The following CLUH variants were observed in gnomAD, a reference collection of about 807,000 sequenced individuals.
CLUH encodes the protein clustered mitochondria protein homolog.
CLUH carries 77 observed loss-of-function variants against 139.3 expected under a neutral mutation model. That is an observed-to-expected ratio of 0.55 (90% CI 0.46 to 0.67). The LOEUF (loss-of-function observed/expected upper bound fraction) is 0.67. CLUH is among the 30% of genes least tolerant of loss of function. The pLI, the probability that CLUH is intolerant of heterozygous loss-of-function variation, is 0.00. For synonymous variants in CLUH, 999 were observed against 801.6 expected (o/e 1.25, Z -4.16); for missense variants, 1,876 against 1,875.8 (o/e 1.00, Z 0.00).
At chr17:2,696,287 G>A (rs1200968044) in intron 12 of CLUH, 28 bp from the exon 13 acceptor site, 1 of 1,548,958 alleles carries the variant, frequency 6.5e-7, no homozygotes, top group South Asian at 1.2e-5. Context: ...GAGAGGCTGA[G>A]CCAGGCAGTG....
intron 13 of CLUH, 53 bp from the exon 14 acceptor site, chr17:2,695,579 CTG>C: frequency 6.6e-7 from 1 of 1,514,318 alleles, no homozygotes; most frequent in Non-Finnish European, 8.8e-7. Flanking sequence ...CTCCACCCAA[CTG>C]AGTCCTTCTG....
At chr17:2,691,262 T>TG (rs1267489579) in intron 25 of CLUH, among the ~76,000 whole-genome samples, 1 of 152,064 alleles carries the variant, frequency 6.6e-6, no homozygotes, top group Non-Finnish European at 1.5e-5. Flanking sequence ...GCGAGGATGC[T>TG]GGGGAAGATA....
chr17:2,693,958 G>T lies in CLUH; in HGVS notation c.3173C>A (p.Thr1058Asn), dbSNP rs776249753. Residue 1058 changes from threonine to asparagine, a missense_variant, in exon 19 of 26, where the codon ACC becomes AAC. Transcript: ENST00000651024. The stretch of plus-strand genomic sequence containing the variant: ...GGCGAGGAGGCGCAGGCAGGCGCAG[G>T]TCTCCACGTGCATGGCTCCGTAGAC... The part of the protein sequence containing the change: ...NNVYGAMHVE[T>N]CACLRLLARL... The T allele has an allele frequency of 3.1e-6, 5 of 1,613,832 alleles. No individual in the cohort carries two copies. Among genetic ancestry groups the T allele is most frequent in the Non-Finnish European group, 4.2e-6 (5 of 1,179,864 alleles).
At position 2,701,959 on chromosome 17, in the gene CLUH, T is replaced by G. The variant is rs750544852; in HGVS notation, c.574A>C (p.Asn192His). Residue 192 changes from asparagine to histidine, a missense_variant, in exon 4 of 26, where the codon AAC (asparagine) becomes CAC (histidine). Coordinates refer to ENST00000651024, the MANE Select transcript of CLUH (RefSeq NM_001366661.1). ...PSDAFNGVDC[N>H]SLSFLSVFTD... The stretch of plus-strand genomic sequence containing the variant: ...AAGACACTCAGGAAGGACAAGGAGT[T>G]GCAGTCAACCCCGTTGAAGGCATCG... 37 of 1,613,864 alleles carry G rather than the reference T, an allele frequency of 2.3e-5. No individual in the cohort carries two copies. The South Asian group carries it at 3.5e-4, about 15-fold the overall frequency.
In CLUH at chr17:2,707,311, T is replaced by C. The variant is rs2070378983; in HGVS notation, c.101-2747A>G. On this transcript the variant is annotated intron_variant, in intron 1 of 25. Coordinates refer to ENST00000651024, the MANE Select transcript of CLUH (RefSeq NM_001366661.1). This position sits in a 1 kb window ranked among gnomAD's most constrained non-coding sequence, Gnocchi z 7.4. Reference sequence around the variant, plus strand: ...GCCTCTGCCGCTACCCTTGCCCTAATGCAGCCAGTCGGCCCGGGGCTGGAG... The same window carrying C: ...GCCTCTGCCGCTACCCTTGCCCTAACGCAGCCAGTCGGCCCGGGGCTGGAG... 1 of 985,366 alleles carries C rather than the reference T, an allele frequency of 1.0e-6. No individual in the cohort carries two copies. Among genetic ancestry groups the C allele is most frequent in the Non-Finnish European group, 1.2e-6 (1 of 829,904 alleles). 61.0% of individuals were successfully genotyped at this position (985,366 alleles called of 1,614,324 possible). A position where few individuals can be genotyped will look rare whatever the true frequency, so the allele number is the denominator to read the frequency against.
At chr17:2,695,712 T>C (rs2069914370) in intron 13 of CLUH, 186 bp from the exon 14 acceptor site, 2 of 762,404 alleles carry the variant, frequency 2.6e-6, no homozygotes, top group African/African-American at 1.8e-5. Context: ...AAGAGCCCGG[T>C]GGTGGTACAG....
chr17:2,691,737 G>A (rs1175915497), intron 24 of CLUH, 24 bp downstream of exon 24: 109 of 1,600,446 alleles, frequency 6.8e-5, no homozygotes, highest in Non-Finnish European at 8.8e-5. Flanking sequence ...CCGGGCCGGA[G>A]GGGCCGCTCC....
At position 2,694,512 on chromosome 17, in the gene CLUH, G is replaced by A. The variant is rs1167934846; in HGVS notation, c.2905C>T (p.Leu969=). Residue 969 remains leucine, a synonymous_variant, in exon 17 of 26, where the codon CTG becomes TTG. Transcript: ENST00000651024. ...CCTGTTTTCAGCGAGATCTCCCGCA[G>A]GAGCGTTATCTTCTGCAGGCCGTAG... The part of the protein sequence containing the change: ...ETYGLQKITL[L]REISLKTGIQ... 1.9e-6 allele frequency: 3 copies of A among 1,584,362 alleles called. No homozygotes were observed. Among genetic ancestry groups the A allele is most frequent in the Non-Finnish European group, 2.6e-6 (3 of 1,165,720 alleles).
Position 2,691,742 on chromosome 17 carries a change from C to A in CLUH, c.3789+19G>T. The A allele has an allele frequency of 1.9e-6, 3 of 1,597,028 alleles. No individual in the cohort carries two copies. The highest frequency in any genetic ancestry group is 1.7e-6 in the Non-Finnish European group (2 of 1,172,260). On this transcript the variant is annotated intron_variant, in intron 24 of 25. Coordinates refer to ENST00000651024, the MANE Select transcript of CLUH (RefSeq NM_001366661.1). ...CCCGCGCTCGCCGGGCCGGAGGGGC[C>A]GCTCCGCCCCGGACTCACCTTGAGG...
intron 3 of CLUH, among the ~76,000 whole-genome samples, chr17:2,702,569 T>G (rs997954718): frequency 2.0e-5 from 3 of 152,200 alleles, no homozygotes; most frequent in Non-Finnish European, 4.4e-5. Flanking sequence ...TGGGCGCTGT[T>G]GAGCTACAGA....
rs747365123 is a variant in CLUH at position 2,696,917 on chromosome 17, C to T, written c.1987G>A (p.Ala663Thr). Residue 663 changes from alanine to threonine, a missense_variant, in exon 11 of 26, where the codon GCC becomes ACC. Around this residue, in one of 3 missense-constraint regions of CLUH, gnomAD observed 1,454 missense variants for 1,384.4 expected, o/e 1.05. Transcript: ENST00000651024. ...HRYLLFMKLA[A>T]LQLMQQNASQ... Reference sequence around the variant, plus strand: ...GCGTTCTGCTGCATCAGCTGCAAGGCGGCCAGCTTCATAAAGAGGAGGTAC... The same window carrying T: ...GCGTTCTGCTGCATCAGCTGCAAGGTGGCCAGCTTCATAAAGAGGAGGTAC... The T allele has an allele frequency of 6.9e-6, 11 of 1,601,296 alleles. No individual in the cohort carries two copies. Among genetic ancestry groups the T allele is most frequent in the South Asian group, 1.1e-5 (1 of 89,066 alleles).
At chr17:2,692,163 G>A in intron 22 of CLUH, 66 bp from the exon 23 acceptor site, 2 of 1,486,810 alleles carry the variant, frequency 1.3e-6, no homozygotes, top group South Asian at 1.2e-5. Flanking sequence ...GGCCTGACTC[G>A]GGGGCCCGGG....
chr17:2,701,478 G>T lies in CLUH; in HGVS notation c.787C>A (p.Pro263Thr). The T allele has an allele frequency of 1.2e-6, 2 of 1,613,882 alleles. No homozygotes were observed. Among genetic ancestry groups the T allele is most frequent in the Non-Finnish European group, 1.7e-6 (2 of 1,179,864 alleles). Residue 263 changes from proline (P) to threonine (T), a missense_variant, in exon 6 of 26, where the codon CCG becomes ACG. Coordinates refer to ENST00000651024, the MANE Select transcript of CLUH (RefSeq NM_001366661.1). ...TGCATCTTCCGGTTCCCCGGGGGCG[G>T]GTTCCATCCGCTCATGGTGAGTACT... The part of the protein sequence containing the change: ...LKVLTMSGWN[P>T]PPGNRKMHGD...
chr17:2,705,862 G>A (rs1270626649), intron 1 of CLUH, among the ~76,000 whole-genome samples: 1 of 152,208 alleles, frequency 6.6e-6, no homozygotes, highest in Non-Finnish European at 1.5e-5. Flanking sequence ...GGCACCAGTG[G>A]AACAAAGGAG....
chr17:2,696,968 C>T lies in CLUH; in HGVS notation c.1962-26G>A, dbSNP rs190515843. 3.5e-4 allele frequency: 530 copies of T among 1,501,756 alleles called. 2 individuals carry two copies. In the African/African-American group the frequency reaches 6.8e-3, roughly 19 times the overall value. 93.0% of individuals were successfully genotyped at this position (1,501,756 alleles called of 1,614,324 possible). On this transcript the variant is annotated intron_variant, in intron 10 of 25. Coordinates refer to ENST00000651024, the MANE Select transcript of CLUH (RefSeq NM_001366661.1). The stretch of plus-strand genomic sequence containing the variant: ...CTGGAGCAGAGGAAACAGGGCAGAG[C>T]AGGAGCTGGACATCGGGGAGAGGAG...
At position 2,690,617 on chromosome 17, in the gene CLUH, G is replaced by A. The variant is rs752675058; in HGVS notation, c.4024C>T (p.Pro1342Ser). 6 of 1,496,304 alleles carry A rather than the reference G, an allele frequency of 4.0e-6. No individual in the cohort carries two copies. The highest frequency in any genetic ancestry group is 2.6e-5 in the East Asian group (1 of 38,208). The allele number at this position is 1,496,304 out of a possible 1,614,324, so 92.7% of individuals were successfully genotyped here. ...LGSQPPAAKD[P>S]SPSVQG ...CTCTATCCCTGCACGCTCGGAGAAG[G>A]GTCCTTGGCAGCCGGGGGCTGGGAG... is the stretch of plus-strand genomic sequence containing the variant. The change falls in exon 26 of 26, where the codon CCT (proline) becomes TCT (serine). Residue 1342 changes from proline (P) to serine (S), a missense_variant. Pro to Ser is a moderately conservative substitution (Grantham distance 74). This residue lies in a region of CLUH where 1,454 missense variants were observed against 1,384.4 expected (regional missense o/e 1.05). Coordinates refer to ENST00000651024, the MANE Select transcript of CLUH (RefSeq NM_001366661.1).
chr17:2,698,744 G>C (rs76387192), intron 9 of CLUH, among the ~76,000 whole-genome samples, 154 bp from the exon 10 acceptor site: 1 of 152,016 alleles, frequency 6.6e-6, no homozygotes, highest in African/African-American at 2.4e-5. Flanking sequence ...GTAGAAAAGG[G>C]CAAGAAAACC....
chr17:2,697,030 A>C (rs2069975804), intron 10 of CLUH, 88 bp from the exon 11 acceptor site: 7 of 1,040,082 alleles, frequency 6.7e-6, no homozygotes, highest in Non-Finnish European at 9.7e-6. Flanking sequence ...CTGGGGCTCC[A>C]CACCCCGCAG....
In CLUH at chr17:2,689,398, A is replaced by G. The variant is rs952406656; in HGVS notation, c.*1196T>C. On this transcript the variant is annotated 3_prime_UTR_variant, in exon 26 of 26. Coordinates refer to ENST00000651024, the MANE Select transcript of CLUH (RefSeq NM_001366661.1). The stretch of plus-strand genomic sequence containing the variant: ...AGGTGAGCCTGGGGCCGCAGGTTTC[A>G]AAAACTCACTTTATTCCAATGTGAA... The G allele has an allele frequency of 2.0e-5, 3 of 152,656 alleles. No individual in the cohort carries two copies. The highest frequency in any genetic ancestry group is 7.2e-5 in the African/African-American group (3 of 41,446). 9.5% of individuals were successfully genotyped at this position (152,656 alleles called of 1,614,324 possible). A position where few individuals can be genotyped will look rare whatever the true frequency, so the allele number is the denominator to read the frequency against.
Sources: gnomAD v4.1 joint callset for allele counts (sites outside exome capture counted in the v4.1 genomes callset) on GRCh38, gnomAD v4.1.1 for gene constraint, gnomAD v4.1.1 regional missense constraint, Gnocchi (gnomAD v3.1) non-coding constraint, MANE v1.5 for transcripts, NCBI Gene and HGNC (gene_info 2026-07-23, HGNC 2026-07-21) for gene names.